The following ANO9 variants were observed in gnomAD, a reference collection of about 807,000 sequenced individuals.
ANO9 encodes anoctamin-9.
ANO9 carries 80 observed loss-of-function variants against 100.5 expected under a neutral mutation model. The observed-to-expected ratio is 0.80, with a 90% CI of 0.66 to 0.96. The LOEUF is 0.96. Among genes scored for constraint, ANO9 ranks in the 40% least tolerant of loss-of-function variants. ANO9 has a pLI of 0.00. For synonymous variants in ANO9, 473 were observed against 435.6 expected (o/e 1.09, Z -1.07); for missense variants, 1,064 against 1,072.7 (o/e 0.99, Z 0.11).
Position 432,049 on chromosome 11 carries a change from C to A in ANO9, c.356G>T (p.Arg119Ile). 9 of 1,612,934 alleles carry A rather than the reference C, an allele frequency of 5.6e-6. No homozygotes were observed. The highest frequency in any genetic ancestry group is 6.8e-6 in the Non-Finnish European group (8 of 1,179,758). ...GACAACGAAGTTCACGATTCGGATT[C>A]TGAGACTCAAGAGCCAGAGCAGGGT... Reference protein sequence around the residue: ...PTTIPVTTSLRIRIVNFVVMN... With the variant: ...PTTIPVTTSLIIRIVNFVVMN... The change falls in exon 5 of 23, where the codon AGA (arginine) becomes ATA (isoleucine). Residue 119 changes from arginine to isoleucine, a missense_variant. Transcript: ENST00000332826. The surrounding 1 kb of genome is among the most constrained non-coding windows in gnomAD (Gnocchi z 4.8).
At position 428,705 on chromosome 11, in the gene ANO9, C is replaced by G; in HGVS notation, c.1020+17G>C. On this transcript the variant is annotated intron_variant, in intron 12 of 22. Transcript: ENST00000332826. ...GCAGCCCGGGTCTCCAGCCCCACCGCGGTGTCCCCTGCGTACCATGAGCAG... is the reference window on the plus strand; with the variant it reads ...GCAGCCCGGGTCTCCAGCCCCACCGGGGTGTCCCCTGCGTACCATGAGCAG... 2 of 1,612,852 alleles carry G rather than the reference C, an allele frequency of 1.2e-6. No homozygotes were observed. The highest frequency in any genetic ancestry group is 1.7e-6 in the Non-Finnish European group (2 of 1,179,876).
At position 428,705 on chromosome 11, in the gene ANO9, C is replaced by A. The variant is rs538925610; in HGVS notation, c.1020+17G>T. 4.3e-6 allele frequency: 7 copies of A among 1,612,734 alleles called. No homozygotes were observed. The East Asian group carries it at 1.6e-4, about 36-fold the overall frequency. ...GCAGCCCGGGTCTCCAGCCCCACCG[C>A]GGTGTCCCCTGCGTACCATGAGCAG... On this transcript the variant is annotated intron_variant, in intron 12 of 22. Transcript: ENST00000332826.
At chr11:434,148 A>AGAT in intron 1 of ANO9, 50 bp from the exon 2 acceptor site, 1 of 1,534,014 alleles carries the variant, frequency 6.5e-7, no homozygotes, top group Non-Finnish European at 8.8e-7. Flanking sequence ...ATTGGGGGCT[A>AGAT]GATGCCCCTC....
intron 15 of ANO9, among the ~76,000 whole-genome samples, chr11:424,957 G>A (rs949826025): frequency 6.8e-6 from 1 of 148,100 alleles, no homozygotes; most frequent in Non-Finnish European, 1.5e-5. Context: ...AGGAAAAGGC[G>A]GCGCGGAGAC....
In ANO9 at chr11:421,214, A is replaced by G; in HGVS notation, c.1335-16T>C. On this transcript the variant is annotated splice_polypyrimidine_tract_variant and intron_variant, in intron 15 of 22. Transcript: ENST00000332826. This position sits in a 1 kb window ranked among gnomAD's most constrained non-coding sequence, Gnocchi z 6.8. ...GCCGTTGATCCTGGGGAGGAAGGGG[A>G]AGTCTGGGGCACTGCGGGCAGCGCC... 6.5e-7 allele frequency: 1 copy of G among 1,528,618 alleles called. No homozygotes were observed. The highest frequency in any genetic ancestry group is 1.8e-4 in the Middle Eastern group (1 of 5,408). The allele number at this position is 1,528,618 out of a possible 1,614,324, so 94.7% of individuals were successfully genotyped here. A position where few individuals can be genotyped will look rare whatever the true frequency, so the allele number is the denominator to read the frequency against.
chr11:420,483 G>C lies in ANO9; in HGVS notation c.1766C>G (p.Pro589Arg). The C allele has an allele frequency of 1.2e-6, 2 of 1,603,362 alleles. No homozygotes were observed. The highest frequency in any genetic ancestry group is 1.7e-6 in the Non-Finnish European group (2 of 1,179,496). ...CTGACCGATGTCCTTGGCCTTGCGC[G>C]GCACCAGGCGCCGCTGCAACCAGAC... The part of the protein sequence containing the change: ...KMVWLQRRLV[P>R]RKAKDIGTWL... Residue 589 changes from proline to arginine, a missense_variant, in exon 19 of 23, where the codon CCG (proline) becomes CGG (arginine). Pro to Arg is a moderately radical substitution (Grantham distance 103). Coordinates refer to ENST00000332826, the MANE Select transcript of ANO9 (RefSeq NM_001012302.3).
intron 11 of ANO9, 147 bp from the exon 12 acceptor site, chr11:428,973 G>C (rs930762113): frequency 8.2e-6 from 6 of 730,824 alleles, no homozygotes; most frequent in Non-Finnish European, 1.4e-5. Flanking sequence ...CACCCCACAC[G>C]TGGGGAGACA....
At chr11:440,465 G>T (rs1043600385) in intron 1 of ANO9, 4 of 152,368 alleles carry the variant, frequency 2.6e-5, no homozygotes, top group African/African-American at 9.6e-5. Context: ...GTCTGCAACT[G>T]TCCTTTTTGA....
Position 432,256 on chromosome 11 carries a change from G to C in ANO9, c.351-202C>G. 2 of 592,622 alleles carry C rather than the reference G, an allele frequency of 3.4e-6. No individual in the cohort carries two copies. The highest frequency in any genetic ancestry group is 3.0e-6 in the Non-Finnish European group (1 of 336,614). The allele number at this position is 592,622 out of a possible 1,614,324, so 36.7% of individuals were successfully genotyped here. ...CTCCTTAAAGTGCTCCCAGGGCCTG[G>C]CCTGCCCCACGGCGTCCAGGATGAG... On this transcript the variant is annotated intron_variant, in intron 4 of 22. Coordinates refer to ENST00000332826, the MANE Select transcript of ANO9 (RefSeq NM_001012302.3). This position sits in a 1 kb window ranked among gnomAD's most constrained non-coding sequence, Gnocchi z 4.8.
At chr11:435,550 TC>T (rs1849424487) in intron 1 of ANO9, among the ~76,000 whole-genome samples, 1 of 144,490 alleles carries the variant, frequency 6.9e-6, no homozygotes, top group African/African-American at 2.6e-5. Context: ...TCTAGTATGG[TC>T]TAGTCTAGTC....
Position 418,454 on chromosome 11 carries a change from C to T in ANO9, c.2266G>A (p.Gly756Arg), listed in dbSNP as rs775520594. ...KMWHGRQRLGGVGAGSRPPMP... is the reference protein window; with the variant it reads ...KMWHGRQRLGRVGAGSRPPMP... Reference sequence around the variant, plus strand: ...GGGGGCCGAGAGCCTGCCCCCACCCCACCCAGCCTCTGCCTTCCATGCCAC... The same window carrying T: ...GGGGGCCGAGAGCCTGCCCCCACCCTACCCAGCCTCTGCCTTCCATGCCAC... Residue 756 changes from glycine (G) to arginine (R), a missense_variant, in exon 23 of 23, where the codon GGG becomes AGG. Gly to Arg is a moderately radical substitution (Grantham distance 125). Transcript: ENST00000332826. 6.2e-7 allele frequency: 1 copy of T among 1,612,810 alleles called. No individual in the cohort carries two copies. The highest frequency in any genetic ancestry group is 1.7e-5 in the Admixed American group (1 of 60,012).
chr11:439,521 A>ACCCCACCCT (rs1199005535), intron 1 of ANO9, among the ~76,000 whole-genome samples: 5 of 84,936 alleles, frequency 5.9e-5, no homozygotes, highest in African/African-American at 1.9e-4. Context: ...CATGAGAAGG[A>ACCCCACCCT]GCAGGCCTGG....
At chr11:425,140 CGGGA>C (rs1430705729) in intron 15 of ANO9, among the ~76,000 whole-genome samples, 158 of 2,124 alleles carry the variant, frequency 0.074, 74 homozygotes, top group South Asian at 0.33. Flanking sequence ...CGTGGAGAGA[CGGGA>C]CGCGCGGGAG....
chr11:437,432 G>C (rs572720396), intron 1 of ANO9, among the ~76,000 whole-genome samples: 1 of 149,536 alleles, frequency 6.7e-6, no homozygotes, highest in African/African-American at 2.5e-5. Context: ...GTTGGCCCAC[G>C]GGGCTCACCT....
rs540569891 is a variant in ANO9 at position 418,240 on chromosome 11, G to C, written c.*131C>G. The C allele has an allele frequency of 1.1e-6, 1 of 917,274 alleles. No homozygotes were observed. Among genetic ancestry groups the C allele is most frequent in the African/African-American group, 1.7e-5 (1 of 59,762 alleles). 56.8% of individuals were successfully genotyped at this position (917,274 alleles called of 1,614,324 possible). ...GGCAGCTCACAGCCCTGAACATACA[G>C]GGGATTCCTGCGGCCCCACATGGGC... is the stretch of plus-strand genomic sequence containing the variant. On this transcript the variant is annotated 3_prime_UTR_variant, in exon 23 of 23. Transcript: ENST00000332826.
intron 4 of ANO9, chr11:433,105 G>T: frequency 3.2e-6 from 2 of 627,030 alleles, no homozygotes; most frequent in South Asian, 2.5e-5. Flanking sequence ...TGCTCTGAGC[G>T]TTGAGAACCA....
Position 431,919 on chromosome 11 carries a change from G to A in ANO9, c.407-13C>T, listed in dbSNP as rs556875930. ...TCCTCGAAGGTCTCTGGGTCACAGG[G>A]GTTCACGAGTCAGGGGGAGTGAGGT... On this transcript the variant is annotated splice_polypyrimidine_tract_variant and intron_variant, in intron 5 of 22. Transcript: ENST00000332826. 6.2e-7 allele frequency: 1 copy of A among 1,611,234 alleles called. No homozygotes were observed. The highest frequency in any genetic ancestry group is 1.3e-5 in the African/African-American group (1 of 74,924).
chr11:423,055 C>A (rs1848288038), intron 15 of ANO9, among the ~76,000 whole-genome samples: 1 of 152,118 alleles, frequency 6.6e-6, no homozygotes, highest in African/African-American at 2.4e-5. Flanking sequence ...GTCTCGAACT[C>A]CTGACCTCAT....
chr11:426,000 G>A (rs1848501401), intron 15 of ANO9, among the ~76,000 whole-genome samples: 1 of 152,148 alleles, frequency 6.6e-6, no homozygotes, highest in South Asian at 2.1e-4. Context: ...CCAAAGTGCT[G>A]AGATGACAGG....
Sources: allele counts gnomAD v4.1 joint callset (sites outside exome capture counted in the v4.1 genomes callset), GRCh38; gene constraint gnomAD v4.1.1; non-coding constraint Gnocchi (gnomAD v3.1); transcripts MANE v1.5; gene names NCBI Gene and HGNC (gene_info 2026-07-23, HGNC 2026-07-21).